The following MTPAP variants were observed in gnomAD, a reference collection of about 807,000 sequenced individuals.
MTPAP encodes the protein mitochondrial poly(A) polymerase, also known as poly(A) RNA polymerase, mitochondrial.
Under a neutral mutation model 48.7 loss-of-function variants are expected in MTPAP, and 23 were observed. The observed-to-expected ratio is 0.47, with a 90% CI of 0.34 to 0.67. MTPAP has a LOEUF of 0.67. Among genes scored for constraint, MTPAP ranks in the 30% least tolerant of loss-of-function variants. MTPAP has a pLI of 0.01. For missense variants in MTPAP, 614 were observed against 694.3 expected (o/e 0.88, Z 1.30); for synonymous variants, 257 against 254.1 (o/e 1.01, Z -0.11).
chr10:30,336,746 T>C (rs1177034093), intron 4 of MTPAP, 57 bp downstream of exon 4: 1 of 1,347,000 alleles, frequency 7.4e-7, no homozygotes, highest in African/African-American at 1.4e-5. Flanking sequence ...CAAAGATTTT[T>C]CTTTTTATAC....
chr10:30,346,920 A>G (rs1564525301), intron 1 of MTPAP, among the ~76,000 whole-genome samples: 1 of 152,160 alleles, frequency 6.6e-6, no homozygotes, highest in Non-Finnish European at 1.5e-5. Flanking sequence ...TCAACATCCC[A>G]TGTAGAAGAG....
chr10:30,315,208 A>T (rs942156590), intron 8 of MTPAP, among the ~76,000 whole-genome samples: 1 of 86,404 alleles, frequency 1.2e-5, no homozygotes, highest in African/African-American at 3.6e-5. Context: ...CCTCTCCCCA[A>T]TCTTTTATTT....
intron 4 of MTPAP, among the ~76,000 whole-genome samples, chr10:30,327,714 C>T (rs1834615176): frequency 6.6e-6 from 1 of 151,410 alleles, no homozygotes; most frequent in Non-Finnish European, 1.5e-5. Context: ...GGCATGGTGG[C>T]ATGCACCTGT....
chr10:30,340,505 C>G, intron 2 of MTPAP, 55 bp from the exon 3 acceptor site: 2 of 1,206,614 alleles, frequency 1.7e-6, no homozygotes, highest in Non-Finnish European at 2.5e-6. Context: ...ATCTAACATA[C>G]TATTTTAGCT....
intron 4 of MTPAP, among the ~76,000 whole-genome samples, chr10:30,332,592 C>A (rs1225306769): frequency 6.6e-6 from 1 of 152,132 alleles, no homozygotes; most frequent in Non-Finnish European, 1.5e-5. Flanking sequence ...CTGTGCCCGG[C>A]CCAAAATGCC....
chr10:30,335,167 C>A (rs1834713721), intron 4 of MTPAP, among the ~76,000 whole-genome samples: 1 of 152,154 alleles, frequency 6.6e-6, no homozygotes, highest in Non-Finnish European at 1.5e-5. Flanking sequence ...AAAGATACAG[C>A]CATAGAAACT....
At chr10:30,329,401 T>A (rs1235466793) in intron 4 of MTPAP, among the ~76,000 whole-genome samples, 1 of 152,070 alleles carries the variant, frequency 6.6e-6, no homozygotes, top group Non-Finnish European at 1.5e-5. Flanking sequence ...CTAATTTTTT[T>A]ATTTTTAGCA....
At position 30,340,288 on chromosome 10, in the gene MTPAP, A is replaced by G. The variant is rs1341164233; in HGVS notation, c.493T>C (p.Ser165Pro). ...TTTGAACGTGGCAACTGATTACTTG[A>G]CCGTACGCGTGACCGTTCAGAAGTC... ...NQTSERSRVR[S>P]SNQLPRSNKQ... Residue 165 changes from serine (S) to proline (P), a missense_variant, in exon 3 of 9, where the codon TCA becomes CCA. By Grantham distance (74) the Ser-to-Pro change is moderately conservative. Around this residue, in one of 5 missense-constraint regions of MTPAP, gnomAD observed 114 missense variants for 107.9 expected, o/e 1.06. Coordinates refer to ENST00000263063, the MANE Select transcript of MTPAP (RefSeq NM_018109.4). The G allele has an allele frequency of 6.2e-7, 1 of 1,614,222 alleles. No homozygotes were observed. Among genetic ancestry groups the G allele is most frequent in the Non-Finnish European group, 8.5e-7 (1 of 1,180,034 alleles).
intron 4 of MTPAP, 146 bp downstream of exon 4, chr10:30,336,657 A>T: frequency 1.3e-6 from 1 of 744,870 alleles, no homozygotes; most frequent in Non-Finnish European, 2.3e-6. Flanking sequence ...TTCACCAAAG[A>T]ATCAATAACA....
chr10:30,341,705 A>G (rs1293452010), intron 1 of MTPAP, 65 bp from the exon 2 acceptor site: 11 of 1,561,862 alleles, frequency 7.0e-6, no homozygotes, highest in African/African-American at 2.7e-5. Context: ...ATATTTTGAT[A>G]AGGTGTTTAA....
chr10:30,330,966 T>C (rs1834659035), intron 4 of MTPAP, among the ~76,000 whole-genome samples: 1 of 152,202 alleles, frequency 6.6e-6, no homozygotes, highest in South Asian at 2.1e-4. Flanking sequence ...AAATAGGTGA[T>C]GTGTTAAGCC....
rs1840631957 is a variant in MTPAP, at chr10:30,313,937, AGAG to A, written c.1418_1420del (p.Pro473del). The stretch of plus-strand genomic sequence containing the variant: ...AGTTTCAAATGGATTCTGAATGTAC[AGAG>A]GAGAAGAATCAGGTTTGTTTTGCTC... On this transcript the variant is annotated inframe_deletion, in exon 9 of 9. Transcript: ENST00000263063. The A allele has an allele frequency of 1.9e-6, 3 of 1,613,868 alleles. No homozygotes were observed. The highest frequency in any genetic ancestry group is 3.3e-5 in the Admixed American group (2 of 60,000).
At chr10:30,322,096 T>C (rs373142113) in intron 6 of MTPAP, among the ~76,000 whole-genome samples, 17 of 152,282 alleles carry the variant, frequency 1.1e-4, no homozygotes, top group African/African-American at 2.9e-4. Flanking sequence ...TCTGAACAAG[T>C]TGTATCTGAA....
chr10:30,314,884 C>CAAAAAAAAAAAAAAAAAAAAAAAAAAAAA, intron 8 of MTPAP, among the ~76,000 whole-genome samples: 1 of 110,752 alleles, frequency 9.0e-6, no homozygotes, highest in East Asian at 2.6e-4. Context: ...AAAACAAAAA[C>CAAAAAAAAAAAAAAAAAAAAAAAAAAAAA]AAAAAAAAAA....
At chr10:30,336,180 C>T (rs371512415) in intron 4 of MTPAP, among the ~76,000 whole-genome samples, 1 of 151,942 alleles carries the variant, frequency 6.6e-6, no homozygotes, top group Admixed American at 6.6e-5. Context: ...AAGAGATACA[C>T]CCAAACTAAA....
At chr10:30,335,448 C>T (rs915577184) in intron 4 of MTPAP, among the ~76,000 whole-genome samples, 8 of 151,966 alleles carry the variant, frequency 5.3e-5, no homozygotes, top group Admixed American at 1.3e-4. Context: ...ATCACGTCAC[C>T]GTACTTCAGC....
At position 30,322,617 on chromosome 10, in the gene MTPAP, C is replaced by T; in HGVS notation, c.993G>A (p.Arg331=). Residue 331 remains arginine, a splice_region_variant and synonymous_variant, in exon 6 of 9, where the codon AGG becomes AGA. Coordinates refer to ENST00000263063, the MANE Select transcript of MTPAP (RefSeq NM_018109.4). ...GFQCDLTTNN[R]IALTSSELLY... ...GGAGTTCGGAACTTGTCAAGGCAAT[C>T]CTTCAAAAAATAAAAATAAGAAAAA... 4 of 1,601,680 alleles carry T rather than the reference C, an allele frequency of 2.5e-6. No homozygotes were observed. Among genetic ancestry groups the T allele is most frequent in the South Asian group, 2.2e-5 (2 of 90,482 alleles).
In MTPAP at chr10:30,310,112, G is replaced by A. The variant is rs555690133; in HGVS notation, c.*3497C>T. 6.6e-6 allele frequency: 1 copy of A among 152,152 alleles called. No homozygotes were observed. The highest frequency in any genetic ancestry group is 2.1e-4 in the South Asian group (1 of 4,824). 9.4% of individuals were successfully genotyped at this position (152,152 alleles called of 1,614,324 possible). A position where few individuals can be genotyped will look rare whatever the true frequency, so the allele number is the denominator to read the frequency against. ...TATAGAAGAAAAAAACTTGAAAAAAGTTTTACTTAACATTGCAATTATTTT... is the reference window on the plus strand; with the variant it reads ...TATAGAAGAAAAAAACTTGAAAAAAATTTTACTTAACATTGCAATTATTTT... On this transcript the variant is annotated 3_prime_UTR_variant, in exon 9 of 9. Coordinates refer to ENST00000263063, the MANE Select transcript of MTPAP (RefSeq NM_018109.4).
At chr10:30,344,517 G>C (rs758825506) in intron 1 of MTPAP, among the ~76,000 whole-genome samples, 6 of 152,060 alleles carry the variant, frequency 3.9e-5, no homozygotes, top group Non-Finnish European at 8.8e-5. Context: ...TTTTCAATTA[G>C]ATCTCAGTCT....
Sources: gnomAD v4.1 joint callset for allele counts (sites outside exome capture counted in the v4.1 genomes callset) on GRCh38, gnomAD v4.1.1 for gene constraint, gnomAD v4.1.1 regional missense constraint, MANE v1.5 for transcripts, NCBI Gene and HGNC (gene_info 2026-07-23, HGNC 2026-07-21) for gene names.